The following THSD7B variants were observed in gnomAD, a reference collection of about 807,000 sequenced individuals.
THSD7B encodes thrombospondin type-1 domain-containing protein 7B.
In THSD7B, 138 loss-of-function variants were observed where a neutral mutation model predicts 213.6. The ratio of observed to expected loss-of-function variants is 0.65; its 90% CI spans 0.56 to 0.74. The LOEUF (loss-of-function observed/expected upper bound fraction) is 0.74. Ranked by LOEUF, THSD7B falls within the 30% of genes least tolerant of loss-of-function variation. THSD7B has a pLI of 0.00. For missense variants in THSD7B, 1,931 were observed against 1,991.5 expected, an observed-to-expected ratio of 0.97 and a Z score of 0.58; for synonymous variants, 742 against 687.0, an observed-to-expected ratio of 1.08 and a Z score of -1.25.
chr2:136,839,978 G>A (rs769361077), intron 1 of THSD7B, among the ~76,000 whole-genome samples: 1 of 152,154 alleles, frequency 6.6e-6, no homozygotes, highest in Non-Finnish European at 1.5e-5. Flanking sequence ...GGGATATTAA[G>A]TTGGAATGAC....
chr2:137,366,662 A>C (rs982338046), intron 12 of THSD7B, among the ~76,000 whole-genome samples: 1 of 152,118 alleles, frequency 6.6e-6, no homozygotes, highest in Non-Finnish European at 1.5e-5. Context: ...GTCCACTGAT[A>C]TTCCTTCCTT....
At chr2:137,425,373 C>T (rs1292834229) in intron 14 of THSD7B, among the ~76,000 whole-genome samples, 3 of 151,858 alleles carry the variant, frequency 2.0e-5, no homozygotes, top group Non-Finnish European at 4.4e-5. Context: ...TGCACCACCA[C>T]GCCCAGCTAA....
chr2:136,852,107 A>G (rs12617961), intron 1 of THSD7B, among the ~76,000 whole-genome samples: 26,220 of 151,972 alleles, frequency 0.17, 2,722 homozygotes, highest in East Asian at 0.39. Context: ...ATCTAATCAG[A>G]TGAGCCCTTA....
At chr2:136,963,520 T>C (rs1685260576) in intron 2 of THSD7B, among the ~76,000 whole-genome samples, 2 of 152,126 alleles carry the variant, frequency 1.3e-5, no homozygotes, top group African/African-American at 4.8e-5. Flanking sequence ...GGCACATGAC[T>C]GAAGTCTTAG....
chr2:137,411,637 G>C lies in THSD7B; in HGVS notation c.2724G>C (p.Gln908His). Residue 908 changes from glutamine (Q) to histidine (H), a missense_variant, in exon 14 of 28, where the codon CAG (glutamine) becomes CAC (histidine). Physicochemically the swap from Gln to His is conservative, Grantham distance 24 (BLOSUM62 0). Transcript: ENST00000409968. The part of the protein sequence containing the change: ...TGKSRKKEKC[Q>H]DSDLYPLVET... ...AAAGCAGAAAGAAGGAGAAATGCCA[G>C]GATTCTGACCTTTACCCTCTAGTGG... 2 of 1,612,438 alleles carry C rather than the reference G, an allele frequency of 1.2e-6. No individual in the cohort carries two copies. Among genetic ancestry groups the C allele is most frequent in the Non-Finnish European group, 1.7e-6 (2 of 1,178,772 alleles).
chr2:137,588,129 G>A (rs547496623), intron 17 of THSD7B, among the ~76,000 whole-genome samples: 21 of 152,198 alleles, frequency 1.4e-4, no homozygotes, highest in Non-Finnish European at 5.9e-5. Context: ...GGGACCCTCC[G>A]AGCCAGGCAC....
chr2:137,235,420 C>T (rs1681742859), intron 9 of THSD7B, among the ~76,000 whole-genome samples: 1 of 152,086 alleles, frequency 6.6e-6, no homozygotes, highest in Non-Finnish European at 1.5e-5. Context: ...ATCCACTGGA[C>T]CTGAATGTAG....
intron 7 of THSD7B, among the ~76,000 whole-genome samples, chr2:137,178,186 A>ATT (rs34568563): frequency 1.1e-3 from 159 of 144,780 alleles, no homozygotes; most frequent in African/African-American, 3.6e-3. Context: ...CAGTGAGTAA[A>ATT]TTTTTTTTTT....
intron 5 of THSD7B, among the ~76,000 whole-genome samples, chr2:137,116,204 A>T (rs1471603733): frequency 2.0e-5 from 3 of 152,136 alleles, no homozygotes; most frequent in African/African-American, 7.2e-5. Context: ...AGCCTCAGAT[A>T]AGGTACCTGA....
chr2:137,576,891 C>G (rs1031984682), intron 17 of THSD7B, among the ~76,000 whole-genome samples: 4 of 151,402 alleles, frequency 2.6e-5, no homozygotes, highest in African/African-American at 9.7e-5. Context: ...TTTTCAGCAC[C>G]TTGGCATCAC....
intron 2 of THSD7B, among the ~76,000 whole-genome samples, chr2:136,917,595 A>C (rs1024847065): frequency 6.6e-6 from 1 of 152,192 alleles, no homozygotes; most frequent in Non-Finnish European, 1.5e-5. Flanking sequence ...GTTATTGAGT[A>C]GTGATTAGTA....
intron 2 of THSD7B, among the ~76,000 whole-genome samples, chr2:136,916,988 G>C (rs1573709079): frequency 6.6e-6 from 1 of 152,106 alleles, no homozygotes; most frequent in Non-Finnish European, 1.5e-5. Context: ...TTATTATGAG[G>C]CTATAAAAAG....
At chr2:137,450,789 G>A in intron 14 of THSD7B, 56 bp from the exon 15 acceptor site, 1 of 1,276,246 alleles carries the variant, frequency 7.8e-7, no homozygotes, top group Non-Finnish European at 1.1e-6. Context: ...AATAGAAAGT[G>A]AATTTGATCA....
intron 5 of THSD7B, among the ~76,000 whole-genome samples, chr2:137,140,392 G>A (rs1679557137): frequency 6.6e-6 from 1 of 152,024 alleles, no homozygotes; most frequent in Non-Finnish European, 1.5e-5. Context: ...AATGTTGAGG[G>A]GAACGTCTTT....
chr2:137,585,088 T>C (rs936161115), intron 17 of THSD7B, among the ~76,000 whole-genome samples: 4 of 152,224 alleles, frequency 2.6e-5, no homozygotes, highest in Admixed American at 6.5e-5. Flanking sequence ...TGTCCAGGAA[T>C]TTACCCATTT....
chr2:136,838,146 T>G (rs1181334925), intron 1 of THSD7B, among the ~76,000 whole-genome samples: 1 of 152,242 alleles, frequency 6.6e-6, no homozygotes, highest in Non-Finnish European at 1.5e-5. Context: ...TAAAGAGTTG[T>G]GTAAACTAAT....
Position 137,231,136 on chromosome 2 carries a change from G to C in THSD7B, c.1816G>C (p.Glu606Gln). 6.2e-7 allele frequency: 1 copy of C among 1,613,778 alleles called. No homozygotes were observed. Among genetic ancestry groups the C allele is most frequent in the East Asian group, 2.2e-5 (1 of 44,870 alleles). ...CTGCCGAATGGACTGTGTGCTGAGC[G>C]AGTGGACGGAGTGGTCATCCTGTTC... The part of the protein sequence containing the change: ...IPCRMDCVLS[E>Q]WTEWSSCSQS... The change falls in exon 8 of 28, where the codon GAG becomes CAG. Residue 606 changes from glutamate (E) to glutamine (Q), a missense_variant. Coordinates refer to ENST00000409968, the MANE Select transcript of THSD7B (RefSeq NM_001316349.2).
In THSD7B at chr2:137,460,705, A is replaced by G. The variant is rs150970722; in HGVS notation, c.3138+9682A>G. 6.4e-4 allele frequency among the ~76,000 whole-genome samples: 98 copies of G among 152,120 alleles called. 1 individual carries two copies. Among genetic ancestry groups the G allele is most frequent in the African/African-American group, 2.3e-3 (95 of 41,524 alleles). The stretch of plus-strand genomic sequence containing the variant: ...TGTAATTCTTTGGCCCTTTTTGTAT[A>G]TTTATAAGAAGGAGTGCAGACAGAA... On this transcript the variant is annotated intron_variant, in intron 15 of 27. Coordinates refer to ENST00000409968, the MANE Select transcript of THSD7B (RefSeq NM_001316349.2).
intron 21 of THSD7B, among the ~76,000 whole-genome samples, chr2:137,650,862 C>T (rs958251540): frequency 2.0e-5 from 3 of 152,162 alleles, no homozygotes; most frequent in African/African-American, 7.2e-5. Flanking sequence ...GTTCTTGCTT[C>T]TGATAATGTT....
Sources: gnomAD v4.1 joint callset for allele counts (sites outside exome capture counted in the v4.1 genomes callset) on GRCh38, gnomAD v4.1.1 for gene constraint, MANE v1.5 for transcripts, NCBI Gene and HGNC (gene_info 2026-07-23, HGNC 2026-07-21) for gene names.